The following KLHL12 variants were observed in gnomAD, a reference collection of about 807,000 sequenced individuals.
The protein encoded by KLHL12 is kelch like family member 12.
In KLHL12, 17 loss-of-function variants were observed where a neutral mutation model predicts 60.8. That is an observed-to-expected ratio of 0.28 (90% CI 0.19 to 0.42). KLHL12 has a LOEUF of 0.42. Among genes scored for constraint, KLHL12 ranks in the 10% least tolerant of loss-of-function variants. The probability of loss-of-function intolerance (pLI) is 1.00; values close to 1 mark genes in which losing one functional copy is unlikely to be tolerated. For missense variants in KLHL12, 468 were observed against 722.3 expected, an observed-to-expected ratio of 0.65 and a Z score of 4.04; for synonymous variants, 220 against 250.9, an observed-to-expected ratio of 0.88 and a Z score of 1.16.
chr1:202,897,712 T>C (rs1280472040), intron 6 of KLHL12, among the ~76,000 whole-genome samples: 1 of 152,152 alleles, frequency 6.6e-6, no homozygotes, highest in African/African-American at 2.4e-5. Flanking sequence ...AAACTTAGGA[T>C]CCAAGTGATG....
At chr1:202,920,840 G>GTGA (rs1660674737) in intron 2 of KLHL12, among the ~76,000 whole-genome samples, 2 of 152,126 alleles carry the variant, frequency 1.3e-5, no homozygotes, top group Non-Finnish European at 2.9e-5. Flanking sequence ...TTAAAATACA[G>GTGA]ATGTATTTAC....
intron 3 of KLHL12, among the ~76,000 whole-genome samples, 162 bp downstream of exon 3, chr1:202,919,593 G>C (rs1185676808): frequency 6.6e-6 from 1 of 151,924 alleles, no homozygotes; most frequent in Non-Finnish European, 1.5e-5. Flanking sequence ...TAGTGCTATT[G>C]ACATCTGATC....
intron 9 of KLHL12, 142 bp downstream of exon 9, chr1:202,894,449 C>T (rs1659768197): frequency 1.1e-6 from 1 of 917,466 alleles, no homozygotes; most frequent in Admixed American, 2.1e-5. Context: ...AAGATAATCC[C>T]AATTAATGGA....
intron 2 of KLHL12, among the ~76,000 whole-genome samples, chr1:202,920,336 A>T (rs1660648158): frequency 6.6e-6 from 1 of 151,716 alleles, no homozygotes. Flanking sequence ...AAGAAAGAAA[A>T]TAAAAAAATA....
chr1:202,921,331 T>C (rs1392288420), intron 2 of KLHL12, among the ~76,000 whole-genome samples: 1 of 152,180 alleles, frequency 6.6e-6, no homozygotes, highest in South Asian at 2.1e-4. Flanking sequence ...CATGCCACCA[T>C]GCCTGGCTAA....
At chr1:202,927,673 G>GT (rs1653668606), upstream of KLHL12, among the ~76,000 whole-genome samples, 1 of 41,008 alleles carries the variant, frequency 2.4e-5, no homozygotes, top group Non-Finnish European at 4.8e-5. Flanking sequence ...ATGAGACCCT[G>GT]TAAAAAAAAA....
intron 2 of KLHL12, 86 bp downstream of exon 2, chr1:202,924,882 T>C (rs1201504310): frequency 8.0e-6 from 12 of 1,492,410 alleles, no homozygotes; most frequent in Middle Eastern, 1.9e-4. Flanking sequence ...TTCAAAATTA[T>C]ATCAAACTTC....
rs772389361 is a variant in KLHL12, at chr1:202,903,616, A to ATT, written c.832+5392_832+5393dup. 1.2e-4 allele frequency among the ~76,000 whole-genome samples: 4 copies of ATT among 32,354 alleles called. No individual in the cohort carries two copies. The East Asian group carries it at 3.8e-3, about 31-fold the overall frequency. 21.2% of individuals were successfully genotyped at this position (32,354 alleles called of 152,430 possible). ...GCTTCCCTAGTAGCTGGGACCACTAATTTTTTTCTTTTCTTTTTTTTTTTG... is the reference window on the plus strand; with the variant it reads ...GCTTCCCTAGTAGCTGGGACCACTAATTTTTTTTTCTTTTCTTTTTTTTTTTG... On this transcript the variant is annotated intron_variant, in intron 6 of 11. Coordinates refer to ENST00000367261, the MANE Select transcript of KLHL12 (RefSeq NM_021633.4).
chr1:202,917,711 T>C (rs1286113313), intron 4 of KLHL12, among the ~76,000 whole-genome samples: 1 of 152,242 alleles, frequency 6.6e-6, no homozygotes, highest in Non-Finnish European at 1.5e-5. Context: ...ACTATTCTCA[T>C]GATCCTCTTT....
intron 4 of KLHL12, chr1:202,911,865 T>C (rs1660373234): frequency 9.5e-6 from 8 of 838,702 alleles, no homozygotes; most frequent in Admixed American, 3.5e-5. Flanking sequence ...AGCTCTTCAT[T>C]GGAGGGTTGA....
chr1:202,902,904 G>C (rs1660053792), intron 6 of KLHL12, among the ~76,000 whole-genome samples: 1 of 151,986 alleles, frequency 6.6e-6, no homozygotes, highest in South Asian at 2.1e-4. Flanking sequence ...AGGCTGAGGT[G>C]GGAGGATCAC....
Position 202,927,200 on chromosome 1 carries a change from CGGAGGCTCT to C in KLHL12, c.-166_-158del, listed in dbSNP as rs960166296. Reference sequence around the variant, plus strand: ...GAGGAGCCGAAGCGCCGCCCAGACCCGGAGGCTCTGGAGGCTCTGGAGCCGTCCGGGTCT... The same window carrying C: ...GAGGAGCCGAAGCGCCGCCCAGACCCGGAGGCTCTGGAGCCGTCCGGGTCT... On this transcript the variant is annotated 5_prime_UTR_variant, in exon 1 of 12. Transcript: ENST00000367261. 2 of 985,200 alleles carry C rather than the reference CGGAGGCTCT, an allele frequency of 2.0e-6. No individual in the cohort carries two copies. Among genetic ancestry groups the C allele is most frequent in the Non-Finnish European group, 2.4e-6 (2 of 829,902 alleles). 61.0% of individuals were successfully genotyped at this position (985,200 alleles called of 1,614,324 possible).
At chr1:202,921,477 T>TA (rs1190103665) in intron 2 of KLHL12, among the ~76,000 whole-genome samples, 1 of 152,174 alleles carries the variant, frequency 6.6e-6, no homozygotes, top group Non-Finnish European at 1.5e-5. Context: ...GCCCGGCCCT[T>TA]AGACTGCATT....
At chr1:202,904,707 T>C (rs1394563003) in intron 6 of KLHL12, among the ~76,000 whole-genome samples, 1 of 152,140 alleles carries the variant, frequency 6.6e-6, no homozygotes, top group Middle Eastern at 3.2e-3. Context: ...TCATTATTTT[T>C]AGAAAGAGGG....
chr1:202,926,591 C>G (rs763747560), intron 1 of KLHL12, among the ~76,000 whole-genome samples: 3 of 152,184 alleles, frequency 2.0e-5, no homozygotes, highest in African/African-American at 4.8e-5. Context: ...ATGAAGACAG[C>G]CCGGGGGGTC....
intron 6 of KLHL12, among the ~76,000 whole-genome samples, chr1:202,906,092 T>C (rs1660177403): frequency 6.9e-6 from 1 of 145,984 alleles, no homozygotes; most frequent in Non-Finnish European, 1.5e-5. Flanking sequence ...GTGCTGGGAT[T>C]ACGGGCATGA....
chr1:202,894,459 A>C (rs989365963), intron 9 of KLHL12, 132 bp downstream of exon 9: 65 of 965,002 alleles, frequency 6.7e-5, no homozygotes, highest in Non-Finnish European at 6.8e-5. Context: ...CAATTAATGG[A>C]AAATATATTA....
chr1:202,928,487 G>A (rs1653731973), upstream of KLHL12: 1 of 1,302,740 alleles, frequency 7.7e-7, no homozygotes, highest in Admixed American at 2.3e-5. Flanking sequence ...TTACCTTCCA[G>A]GTACTGAGGA....
At position 202,894,107 on chromosome 1, in the gene KLHL12, T is replaced by C. The variant is rs571576432; in HGVS notation, c.1393+77A>G. The C allele has an allele frequency of 1.8e-5, 14 of 766,766 alleles. No homozygotes were observed. The East Asian group carries it at 2.2e-4, about 12-fold the overall frequency. 47.5% of individuals were successfully genotyped at this position (766,766 alleles called of 1,614,324 possible). ...CTCATTTTTACATTAATCTACGGTT[T>C]GTCCCATGCACCACCATTATATATG... On this transcript the variant is annotated intron_variant, in intron 10 of 11. Coordinates refer to ENST00000367261, the MANE Select transcript of KLHL12 (RefSeq NM_021633.4).
Sources: gnomAD v4.1 joint callset for allele counts (sites outside exome capture counted in the v4.1 genomes callset) on GRCh38, gnomAD v4.1.1 for gene constraint, MANE v1.5 for transcripts, NCBI Gene and HGNC (gene_info 2026-07-23, HGNC 2026-07-21) for gene names.